TMEM272: variants seen among roughly 807,000 people sequenced by gnomAD.
The protein encoded by TMEM272 is long intergenic non-protein coding RNA 282.
TMEM272 carries 8 observed loss-of-function variants against 3.7 expected under a neutral mutation model. The observed-to-expected ratio is 2.17, with a 90% CI of 1.27 to 3.91. The LOEUF (loss-of-function observed/expected upper bound fraction) is 3.91, where lower values mean the gene tolerates loss of function less well. Ranked by LOEUF, TMEM272 falls within the 30% of genes most tolerant of loss-of-function variation. The pLI is 0.00. For synonymous variants in TMEM272, 63 were observed against 39.8 expected, an observed-to-expected ratio of 1.58 and a Z score of -2.20; for missense variants, 166 against 91.5, an observed-to-expected ratio of 1.81 and a Z score of -3.32.
At chr13:51,922,079 T>C in the TMEM272 span, among the ~76,000 whole-genome samples, 1 of 152,232 alleles carries the variant, frequency 6.6e-6, no homozygotes, top group Non-Finnish European at 1.5e-5. Flanking sequence ...CAGGCAGCCC[T>C]GGCCTCTTGA....
At chr13:51,863,699 A>ACC in the TMEM272 span, among the ~76,000 whole-genome samples, 1 of 132,582 alleles carries the variant, frequency 7.5e-6, no homozygotes, top group African/African-American at 2.7e-5. Context: ...ACACACACAC[A>ACC]CACACACACA....
At position 51,817,045 on chromosome 13, in the gene TMEM272, G is replaced by A. The variant is rs780140009; in HGVS notation, c.270C>T (p.Asp90=). Residue 90 remains aspartate, a synonymous_variant, in exon 5 of 5, where the codon GAC becomes GAT. Coordinates refer to ENST00000629372, the MANE Select transcript of TMEM272 (RefSeq NM_001351003.2). The part of the protein sequence containing the change: ...RLLSKAVVID[D]DDDDEYPWRQ... The stretch of plus-strand genomic sequence containing the variant: ...TCCAGGGGTATTCGTCATCGTCATC[G>A]TCATCAATCACCACGGCCTTGGACA... The A allele has an allele frequency of 1.6e-5, 11 of 702,854 alleles. No homozygotes were observed. The highest frequency in any genetic ancestry group is 2.3e-5 in the Non-Finnish European group (9 of 385,000). 43.5% of individuals were successfully genotyped at this position (702,854 alleles called of 1,614,324 possible). A position where few individuals can be genotyped will look rare whatever the true frequency, so the allele number is the denominator to read the frequency against.
chr13:51,848,082 C>T (rs1041941969), upstream of TMEM272, among the ~76,000 whole-genome samples: 10 of 151,988 alleles, frequency 6.6e-5, no homozygotes, highest in South Asian at 2.1e-4. Context: ...TTAAGAAAAA[C>T]GGGGAATCTG....
chr13:51,904,634 A>C, the TMEM272 span, among the ~76,000 whole-genome samples: 1 of 152,228 alleles, frequency 6.6e-6, no homozygotes, highest in Non-Finnish European at 1.5e-5. Context: ...CAATCCAAAA[A>C]TCTGAAATGC....
the TMEM272 span, among the ~76,000 whole-genome samples, chr13:51,902,991 G>A: frequency 3.9e-5 from 6 of 152,224 alleles, no homozygotes; most frequent in African/African-American, 1.4e-4. Context: ...GCTGGGAGAT[G>A]AGTGCATCCG....
the TMEM272 span, among the ~76,000 whole-genome samples, chr13:51,858,404 G>A: frequency 6.6e-6 from 1 of 152,136 alleles, no homozygotes; most frequent in Admixed American, 6.6e-5. Flanking sequence ...TATACTTTGT[G>A]CAAACCATAA....
the TMEM272 span, chr13:51,933,855 T>G: frequency 6.6e-6 from 1 of 152,096 alleles, no homozygotes; most frequent in Non-Finnish European, 1.5e-5. Flanking sequence ...CACCACAGGC[T>G]GGGCAGGGAT....
chr13:51,911,837 C>A, the TMEM272 span, among the ~76,000 whole-genome samples: 1 of 152,120 alleles, frequency 6.6e-6, no homozygotes, highest in Non-Finnish European at 1.5e-5. Context: ...CCTCCATGCA[C>A]TGCCCAGCTC....
At position 51,815,806 on chromosome 13, in the gene TMEM272, T is replaced by C. The variant is rs1032497938; in HGVS notation, c.*945A>G. 2 of 152,216 alleles carry C rather than the reference T, an allele frequency of 1.3e-5. No individual in the cohort carries two copies. Among genetic ancestry groups the C allele is most frequent in the Non-Finnish European group, 2.9e-5 (2 of 68,042 alleles). 9.4% of individuals were successfully genotyped at this position (152,216 alleles called of 1,614,324 possible). On this transcript the variant is annotated 3_prime_UTR_variant, in exon 5 of 5. Coordinates refer to ENST00000629372, the MANE Select transcript of TMEM272 (RefSeq NM_001351003.2). ...GTCACTGTTCGGTGTCATCCTGGACTTCCAGACATCTCAATTTACAAAAGG... is the reference window on the plus strand; with the variant it reads ...GTCACTGTTCGGTGTCATCCTGGACCTCCAGACATCTCAATTTACAAAAGG...
intron 4 of TMEM272, among the ~76,000 whole-genome samples, chr13:51,821,165 A>C (rs1379437018): frequency 6.6e-6 from 1 of 152,224 alleles, no homozygotes. Context: ...GAGAGTTCAT[A>C]CTTGGCACTC....
chr13:51,869,585 G>A, the TMEM272 span, among the ~76,000 whole-genome samples: 2 of 151,760 alleles, frequency 1.3e-5, no homozygotes, highest in Admixed American at 6.6e-5. Context: ...TGCTTCCAGA[G>A]TTCAAGGGAT....
intron 2 of TMEM272, 111 bp downstream of exon 2, chr13:51,838,362 C>T: frequency 1.4e-6 from 1 of 695,646 alleles, no homozygotes. Flanking sequence ...CTGGGGCCAC[C>T]CCATACCAAG....
rs577560005 is a variant in TMEM272, at chr13:51,813,897, T to C, written c.*2854A>G. ...AGATTATCCCTCTCTGCCACATAAT[T>C]TGTTCCCTTGAGGTTTCATAGCATC... On this transcript the variant is annotated 3_prime_UTR_variant, in exon 5 of 5. Coordinates refer to ENST00000629372, the MANE Select transcript of TMEM272 (RefSeq NM_001351003.2). 5.9e-5 allele frequency: 9 copies of C among 152,334 alleles called. No individual in the cohort carries two copies. Among genetic ancestry groups the C allele is most frequent in the African/African-American group, 2.2e-4 (9 of 41,572 alleles). 9.4% of individuals were successfully genotyped at this position (152,334 alleles called of 1,614,324 possible). A position where few individuals can be genotyped will look rare whatever the true frequency, so the allele number is the denominator to read the frequency against.
At chr13:51,852,606 G>A in the TMEM272 span, among the ~76,000 whole-genome samples, 4 of 152,286 alleles carry the variant, frequency 2.6e-5, no homozygotes, top group South Asian at 2.1e-4. Flanking sequence ...GCGGCCGGGC[G>A]CGGTGGCTCA....
At chr13:51,926,658 T>A in the TMEM272 span, among the ~76,000 whole-genome samples, 82 of 146,800 alleles carry the variant, frequency 5.6e-4, no homozygotes, top group African/African-American at 1.9e-3. Flanking sequence ...GGTGTGGGTG[T>A]GTGTGCATGT....
At chr13:51,888,639 C>CTTTTTT in the TMEM272 span, among the ~76,000 whole-genome samples, 191 of 76,768 alleles carry the variant, frequency 2.5e-3, no homozygotes, top group African/African-American at 7.1e-3. Flanking sequence ...TTTTCTTTTT[C>CTTTTTT]TTTTTTTTTT....
the TMEM272 span, among the ~76,000 whole-genome samples, chr13:51,867,355 T>C: frequency 2.0e-5 from 3 of 152,250 alleles, no homozygotes; most frequent in Non-Finnish European, 4.4e-5. Context: ...CCACAGTGTC[T>C]GTCTCTTGGT....
chr13:51,859,198 T>A, the TMEM272 span, among the ~76,000 whole-genome samples: 1 of 151,638 alleles, frequency 6.6e-6, no homozygotes, highest in East Asian at 1.9e-4. Flanking sequence ...AAATGGTAAT[T>A]GTTTAATATC....
the TMEM272 span, among the ~76,000 whole-genome samples, chr13:51,861,563 A>G: frequency 1.3e-5 from 2 of 152,218 alleles, no homozygotes; most frequent in Non-Finnish European, 2.9e-5. Flanking sequence ...AGCAACAGAA[A>G]GAAAAAAGAA....
Sources: allele counts gnomAD v4.1 joint callset (sites outside exome capture counted in the v4.1 genomes callset), GRCh38; gene constraint gnomAD v4.1.1; transcripts MANE v1.5; gene names NCBI Gene and HGNC (gene_info 2026-07-23, HGNC 2026-07-21).